SPMAP2L: variants seen among roughly 807,000 people sequenced by gnomAD.
SPMAP2L encodes sperm microtubule associated protein 2-like.
the SPMAP2L span, among the ~76,000 whole-genome samples, chr4:56,572,554 G>A: frequency 3.9e-5 from 6 of 152,074 alleles, no homozygotes; most frequent in African/African-American, 1.2e-4. Flanking sequence ...TATAAATAGA[G>A]GGAAAAAAGA....
At chr4:56,531,759 C>A in the SPMAP2L span, among the ~76,000 whole-genome samples, 3 of 152,226 alleles carry the variant, frequency 2.0e-5, no homozygotes, top group African/African-American at 7.2e-5. Flanking sequence ...AACATCCTTG[C>A]TCTGACCCCA....
chr4:56,604,177 A>G, the SPMAP2L span, among the ~76,000 whole-genome samples: 1 of 152,180 alleles, frequency 6.6e-6, no homozygotes, highest in Non-Finnish European at 1.5e-5. Context: ...TGAGTTTTGG[A>G]ATCAGATAGA....
chr4:56,531,047 C>T, the SPMAP2L span: 6 of 1,535,480 alleles, frequency 3.9e-6, no homozygotes, highest in East Asian at 7.3e-5. Context: ...CTCCGCCACA[C>T]CCGTGAGCCC....
At chr4:56,589,732 TTG>T in the SPMAP2L span, among the ~76,000 whole-genome samples, 2 of 148,458 alleles carry the variant, frequency 1.3e-5, no homozygotes, top group African/African-American at 2.6e-5. Flanking sequence ...TGTTTTGTTT[TTG>T]TGTGTGGGGG....
the SPMAP2L span, among the ~76,000 whole-genome samples, chr4:56,554,851 A>C: frequency 9.7e-4 from 147 of 152,210 alleles, 1 homozygote; most frequent in African/African-American, 2.8e-3. Context: ...TGTTTATGAA[A>C]GGTGCAAAGT....
At chr4:56,599,273 C>T in the SPMAP2L span, among the ~76,000 whole-genome samples, 1 of 152,040 alleles carries the variant, frequency 6.6e-6, no homozygotes, top group Non-Finnish European at 1.5e-5. Flanking sequence ...GCCTCAACCT[C>T]CCTGGGCTCA....
chr4:56,593,498 G>C, the SPMAP2L span: 4 of 1,599,998 alleles, frequency 2.5e-6, no homozygotes, highest in Non-Finnish European at 3.4e-6. Context: ...CTCGTGGAGA[G>C]AGCTCATCAG....
the SPMAP2L span, among the ~76,000 whole-genome samples, chr4:56,577,247 A>G: frequency 1.3e-5 from 2 of 152,180 alleles, no homozygotes; most frequent in Non-Finnish European, 2.9e-5. Context: ...TCTACTAAAA[A>G]TATAAAAATT....
chr4:56,554,348 G>A, the SPMAP2L span, among the ~76,000 whole-genome samples: 1 of 152,176 alleles, frequency 6.6e-6, no homozygotes, highest in Admixed American at 6.5e-5. Context: ...TCAGCATTTG[G>A]TGGTGTCAGT....
At chr4:56,550,834 T>A in the SPMAP2L span, among the ~76,000 whole-genome samples, 1 of 152,040 alleles carries the variant, frequency 6.6e-6, no homozygotes, top group Non-Finnish European at 1.5e-5. Context: ...ATTAGCCCGG[T>A]ATGGTGTCCG....
the SPMAP2L span, among the ~76,000 whole-genome samples, chr4:56,545,122 T>C: frequency 6.6e-6 from 1 of 152,194 alleles, no homozygotes; most frequent in South Asian, 2.1e-4. Context: ...AAGAAATACA[T>C]GGTGATGAAG....
chr4:56,624,092 T>A, the SPMAP2L span, among the ~76,000 whole-genome samples: 29 of 152,284 alleles, frequency 1.9e-4, 1 homozygote, highest in Admixed American at 1.6e-3. Context: ...CAGGCTGAAG[T>A]TGTCTCAGAT....
the SPMAP2L span, among the ~76,000 whole-genome samples, chr4:56,604,893 A>G: frequency 6.6e-6 from 1 of 152,228 alleles, no homozygotes; most frequent in African/African-American, 2.4e-5. Flanking sequence ...TAAGTGAAGT[A>G]ACTCAGGAAT....
chr4:56,591,634 T>A, the SPMAP2L span, among the ~76,000 whole-genome samples: 1 of 152,200 alleles, frequency 6.6e-6, no homozygotes, highest in African/African-American at 2.4e-5. Context: ...CAGGAAGGAA[T>A]TTTAACCCAC....
the SPMAP2L span, among the ~76,000 whole-genome samples, chr4:56,546,472 G>A: frequency 6.6e-6 from 1 of 152,158 alleles, no homozygotes; most frequent in Non-Finnish European, 1.5e-5. Context: ...TGTGGCCTGG[G>A]ACTTGTAGTT....
chr4:56,590,750 A>G, the SPMAP2L span, among the ~76,000 whole-genome samples: 1 of 152,250 alleles, frequency 6.6e-6, no homozygotes, highest in Non-Finnish European at 1.5e-5. Flanking sequence ...GAATAAGTAC[A>G]TGATTATTTT....
the SPMAP2L span, among the ~76,000 whole-genome samples, chr4:56,580,044 T>A: frequency 6.6e-6 from 1 of 152,128 alleles, no homozygotes; most frequent in Non-Finnish European, 1.5e-5. Flanking sequence ...TCTCAAAAAA[T>A]CAGACACTTT....
chr4:56,563,005 A>T, the SPMAP2L span, among the ~76,000 whole-genome samples: 1 of 151,490 alleles, frequency 6.6e-6, no homozygotes, highest in Non-Finnish European at 1.5e-5. Flanking sequence ...GAACTTGTGC[A>T]TGAAACTTTC....
the SPMAP2L span, chr4:56,594,186 G>A: frequency 8.7e-6 from 14 of 1,613,090 alleles, no homozygotes; most frequent in Non-Finnish European, 1.2e-5. Context: ...GGTATTCCAG[G>A]GTCTGTGTTC....
Sources: allele counts gnomAD v4.1 joint callset (sites outside exome capture counted in the v4.1 genomes callset), GRCh38; gene constraint gnomAD v4.1.1; transcripts MANE v1.5; gene names NCBI Gene and HGNC (gene_info 2026-07-23, HGNC 2026-07-21).